The following CAMK1D variants were observed in gnomAD, a reference collection of about 807,000 sequenced individuals.
CAMK1D encodes calcium/calmodulin-dependent protein kinase type 1D.
CAMK1D carries 9 observed loss-of-function variants against 47.7 expected under a neutral mutation model. The ratio of observed to expected loss-of-function variants is 0.19; its 90% CI spans 0.11 to 0.33. The LOEUF is 0.33. Among genes scored for constraint, CAMK1D ranks in the 10% least tolerant of loss-of-function variants. The pLI is 1.00. For missense variants in CAMK1D, 291 were observed against 488.7 expected (o/e 0.60, Z 3.81); for synonymous variants, 184 against 184.9 (o/e 0.99, Z 0.04).
At position 12,621,425 on chromosome 10, in the gene CAMK1D, A is replaced by G. The variant is rs147673580; in HGVS notation, c.225-45311A>G. Among the ~76,000 whole-genome samples, 10 of 152,270 alleles carry G rather than the reference A, an allele frequency of 6.6e-5. 1 individual carries two copies. In the East Asian group the frequency reaches 1.9e-3, roughly 29 times the overall value. ...ATATAGTATGTCTCTCCACTTATTT[A>G]GATCTTTGGCTTCTTTCATCAGCAT... On this transcript the variant is annotated intron_variant, in intron 2 of 10. Transcript: ENST00000619168.
At chr10:12,467,662 G>A (rs7898909) in intron 1 of CAMK1D, among the ~76,000 whole-genome samples, 40,551 of 152,144 alleles carry the variant, frequency 0.27, 6,115 homozygotes, top group Non-Finnish European at 0.33. Flanking sequence ...CTCATTTTAT[G>A]AGAGCGTTAG....
chr10:12,562,264 C>G (rs999200717), intron 2 of CAMK1D, among the ~76,000 whole-genome samples: 33 of 152,164 alleles, frequency 2.2e-4, no homozygotes, highest in African/African-American at 7.2e-4. Flanking sequence ...ACAACCTGCT[C>G]TTGTTAGAGC....
rs549864532 is a variant in CAMK1D at position 12,509,181 on chromosome 10, G to T, written c.93-44044G>T. Among the ~76,000 whole-genome samples, 5 of 152,368 alleles carry T rather than the reference G, an allele frequency of 3.3e-5. No individual in the cohort carries two copies. The South Asian group carries it at 1.0e-3, about 32-fold the overall frequency. On this transcript the variant is annotated intron_variant, in intron 1 of 10. Transcript: ENST00000619168. ...ACTTTCCCTTTAGCAGCCGCCAATGGGAAGGGGCCCCAGGCAGAGGCTGTC... is the reference window on the plus strand; with the variant it reads ...ACTTTCCCTTTAGCAGCCGCCAATGTGAAGGGGCCCCAGGCAGAGGCTGTC...
intron 5 of CAMK1D, among the ~76,000 whole-genome samples, chr10:12,779,654 C>T (rs1837406963): frequency 6.6e-6 from 1 of 152,154 alleles, no homozygotes; most frequent in East Asian, 1.9e-4. Flanking sequence ...TGGTCTTGAA[C>T]TCCTGGGCTC....
In CAMK1D at chr10:12,561,891, TACAAA is replaced by T. The variant is rs1836955833; in HGVS notation, c.224+8540_224+8544del. ...AAATACAGTTGGTTATATCCCATAC[TACAAA>T]ACAAGGAATTGAAACTATCTTGAGT... On this transcript the variant is annotated intron_variant, in intron 2 of 10. Coordinates refer to ENST00000619168, the MANE Select transcript of CAMK1D (RefSeq NM_153498.4). Among the ~76,000 whole-genome samples the T allele has an allele frequency of 2.0e-5, 3 of 152,242 alleles. No homozygotes were observed. The South Asian group carries it at 6.2e-4, about 31-fold the overall frequency.
intron 1 of CAMK1D, among the ~76,000 whole-genome samples, chr10:12,480,524 A>G (rs115834213): frequency 0.012 from 1,783 of 152,320 alleles, 35 homozygotes; most frequent in African/African-American, 0.04. Flanking sequence ...TCTAATAGCA[A>G]TCCCTTTGAT....
intron 2 of CAMK1D, among the ~76,000 whole-genome samples, chr10:12,555,847 T>C (rs996533019): frequency 6.6e-6 from 1 of 152,210 alleles, no homozygotes; most frequent in Non-Finnish European, 1.5e-5. Context: ...TTTAGCATTA[T>C]TTTTCATTTG....
intron 5 of CAMK1D, among the ~76,000 whole-genome samples, chr10:12,774,707 G>A (rs960337692): frequency 1.3e-5 from 2 of 152,202 alleles, no homozygotes; most frequent in Admixed American, 1.3e-4. Context: ...AGGCTGGTGG[G>A]CATTCCTGCC....
At chr10:12,756,518 C>T (rs1836232332) in intron 3 of CAMK1D, among the ~76,000 whole-genome samples, 2 of 152,176 alleles carry the variant, frequency 1.3e-5, no homozygotes, top group Non-Finnish European at 2.9e-5. Flanking sequence ...TAAAATTTGG[C>T]AAACATACTG....
intron 3 of CAMK1D, among the ~76,000 whole-genome samples, chr10:12,702,384 AG>A (rs746761996): frequency 4.1e-4 from 62 of 152,232 alleles, no homozygotes; most frequent in Non-Finnish European, 7.5e-4. Flanking sequence ...TTTAAGTTTC[AG>A]GCAAACACAG....
chr10:12,822,177 C>T (rs1564589061), intron 8 of CAMK1D, among the ~76,000 whole-genome samples: 2 of 152,178 alleles, frequency 1.3e-5, no homozygotes, highest in Non-Finnish European at 2.9e-5. Context: ...TGAGCATCAG[C>T]GCTGTCCGGA....
intron 3 of CAMK1D, among the ~76,000 whole-genome samples, chr10:12,751,420 A>G (rs1418814351): frequency 6.6e-6 from 1 of 152,062 alleles, no homozygotes; most frequent in African/African-American, 2.4e-5. Flanking sequence ...CTTGGCCATC[A>G]TCTTTCTTTA....
At chr10:12,723,300 T>A (rs147317418) in intron 3 of CAMK1D, among the ~76,000 whole-genome samples, 2,214 of 152,286 alleles carry the variant, frequency 0.015, 46 homozygotes, top group African/African-American at 0.05. Flanking sequence ...GGAAAAGATG[T>A]CTGACCTCTT....
intron 1 of CAMK1D, among the ~76,000 whole-genome samples, chr10:12,393,422 C>T (rs1225908327): frequency 6.6e-6 from 1 of 152,146 alleles, no homozygotes; most frequent in Non-Finnish European, 1.5e-5. Context: ...AAAAACATTT[C>T]ACTCAAGGAA....
chr10:12,541,458 G>T (rs369021180), intron 1 of CAMK1D, among the ~76,000 whole-genome samples: 1 of 152,172 alleles, frequency 6.6e-6, no homozygotes, highest in African/African-American at 2.4e-5. Flanking sequence ...CCGCTGCCTG[G>T]GTTCAAGCAG....
chr10:12,738,503 A>G (rs1347417401), intron 3 of CAMK1D, among the ~76,000 whole-genome samples: 9 of 152,314 alleles, frequency 5.9e-5, no homozygotes, highest in Middle Eastern at 6.8e-3. Flanking sequence ...TTTATTTATA[A>G]TAACAGAAAT....
intron 1 of CAMK1D, among the ~76,000 whole-genome samples, chr10:12,410,989 A>G (rs1351728504): frequency 6.6e-6 from 1 of 152,118 alleles, no homozygotes; most frequent in South Asian, 2.1e-4. Flanking sequence ...TAGAGAGTGC[A>G]TGGTTAGCCT....
chr10:12,573,831 CTT>C (rs34038018), intron 2 of CAMK1D, among the ~76,000 whole-genome samples: 71 of 64,082 alleles, frequency 1.1e-3, no homozygotes, highest in East Asian at 0.011. Context: ...ATTAAAAAAA[CTT>C]TTTTTTTTTT....
chr10:12,393,591 GC>G (rs1196261564), intron 1 of CAMK1D, among the ~76,000 whole-genome samples: 1 of 152,172 alleles, frequency 6.6e-6, no homozygotes, highest in African/African-American at 2.4e-5. Context: ...TGAGCTTCAG[GC>G]CCAGCTTTGG....
Sources: gnomAD v4.1 joint callset for allele counts (sites outside exome capture counted in the v4.1 genomes callset) on GRCh38, gnomAD v4.1.1 for gene constraint, MANE v1.5 for transcripts, NCBI Gene and HGNC (gene_info 2026-07-23, HGNC 2026-07-21) for gene names.